OR9Q1: variants seen among roughly 807,000 people sequenced by gnomAD.
OR9Q1 encodes the protein olfactory receptor 9Q1.
For missense variants in OR9Q1, 374 were observed against 378.8 expected (o/e 0.99, Z 0.11); for synonymous variants, 153 against 148.6 (o/e 1.03, Z -0.22).
chr11:58,082,641 A>G (rs1853598786), intron 2 of OR9Q1, among the ~76,000 whole-genome samples: 2 of 140,412 alleles, frequency 1.4e-5, no homozygotes, highest in Non-Finnish European at 1.5e-5. Context: ...GATATACCTA[A>G]TGCTAAATGA....
intron 1 of OR9Q1, among the ~76,000 whole-genome samples, chr11:58,036,527 T>C (rs961901769): frequency 3.3e-5 from 5 of 152,184 alleles, no homozygotes; most frequent in African/African-American, 4.8e-5. Context: ...CTCTGATGGA[T>C]CTGGACAAAG....
chr11:58,098,679 T>C (rs1853755048), intron 2 of OR9Q1, among the ~76,000 whole-genome samples: 1 of 152,162 alleles, frequency 6.6e-6, no homozygotes, highest in Non-Finnish European at 1.5e-5. Context: ...ATTAGCAGCT[T>C]TGTTGAGGTA....
At position 58,033,766 on chromosome 11, in the gene OR9Q1, A is replaced by T. The variant is rs147174430; in HGVS notation, c.-93+9662A>T. ...CCCTGAATCTAAAATAAAAATGGAA[A>T]TTAAAAAAATAAAAGGACAGTGGTG... On this transcript the variant is annotated intron_variant, in intron 1 of 2. Coordinates refer to ENST00000335397, the MANE Select transcript of OR9Q1 (RefSeq NM_001005212.4). 3.3e-5 allele frequency among the ~76,000 whole-genome samples: 5 copies of T among 152,292 alleles called. No individual in the cohort carries two copies. In the East Asian group the frequency reaches 9.6e-4, roughly 29 times the overall value.
At chr11:58,026,713 T>C (rs1266952893) in intron 1 of OR9Q1, 2 of 145,526 alleles carry the variant, frequency 1.4e-5, no homozygotes, top group Non-Finnish European at 3.0e-5. Context: ...AAAAAAGATA[T>C]GGAATGCTTC....
intron 2 of OR9Q1, among the ~76,000 whole-genome samples, chr11:58,138,850 A>G (rs976367365): frequency 7.2e-5 from 11 of 152,190 alleles, no homozygotes; most frequent in Admixed American, 6.5e-4. Context: ...ATGCTGTACC[A>G]TAGATTTCAA....
intron 2 of OR9Q1, among the ~76,000 whole-genome samples, chr11:58,089,412 C>A (rs1374289862): frequency 1.3e-5 from 2 of 151,822 alleles, no homozygotes; most frequent in African/African-American, 4.9e-5. Context: ...AATCCTTTCC[C>A]CATTGCTTGA....
chr11:58,121,143 C>T (rs888691276), intron 2 of OR9Q1, among the ~76,000 whole-genome samples: 23 of 148,934 alleles, frequency 1.5e-4, no homozygotes, highest in Admixed American at 1.3e-3. Flanking sequence ...ATCTTTCAAA[C>T]ATCAAGTCAA....
intron 2 of OR9Q1, among the ~76,000 whole-genome samples, chr11:58,175,970 C>T (rs1854602921): frequency 6.6e-6 from 1 of 152,054 alleles, no homozygotes; most frequent in Non-Finnish European, 1.5e-5. Context: ...AGCAACATCC[C>T]AGGCTTTTGT....
chr11:58,037,080 T>C (rs1270256799), intron 1 of OR9Q1, among the ~76,000 whole-genome samples: 2 of 152,198 alleles, frequency 1.3e-5, no homozygotes, highest in Non-Finnish European at 2.9e-5. Context: ...TGTCTTGTTT[T>C]AATAAAGCCA....
chr11:58,168,984 T>G (rs1366384564), intron 2 of OR9Q1, among the ~76,000 whole-genome samples: 1 of 152,216 alleles, frequency 6.6e-6, no homozygotes. Context: ...TGATACTCTT[T>G]TTAGCCTTTA....
intron 2 of OR9Q1, among the ~76,000 whole-genome samples, chr11:58,063,754 C>T (rs539254611): frequency 6.6e-6 from 1 of 152,228 alleles, no homozygotes; most frequent in African/African-American, 2.4e-5. Context: ...AGGTACCGTT[C>T]AGGCATGCCA....
chr11:58,096,943 A>T (rs939218233), intron 2 of OR9Q1, among the ~76,000 whole-genome samples: 1 of 152,082 alleles, frequency 6.6e-6, no homozygotes, highest in Non-Finnish European at 1.5e-5. Context: ...ACCTCAAGTG[A>T]TCCATCTGCC....
intron 2 of OR9Q1, among the ~76,000 whole-genome samples, chr11:58,139,735 A>C (rs1001783178): frequency 6.6e-6 from 1 of 152,140 alleles, no homozygotes; most frequent in Non-Finnish European, 1.5e-5. Context: ...ATAGTGCTGC[A>C]ATAAACATAC....
At chr11:58,103,551 G>A (rs542296460) in intron 2 of OR9Q1, among the ~76,000 whole-genome samples, 11 of 151,954 alleles carry the variant, frequency 7.2e-5, no homozygotes, top group African/African-American at 1.4e-4. Flanking sequence ...TGAATTTCAC[G>A]AAGATTAATA....
intron 2 of OR9Q1, chr11:58,171,332 G>A (rs1402436970): frequency 5.9e-5 from 9 of 152,292 alleles, no homozygotes; most frequent in Non-Finnish European, 7.3e-5. Flanking sequence ...GACCTCCATT[G>A]CTGCTGACCC....
At position 58,179,620 on chromosome 11, in the gene OR9Q1, T is replaced by C. The variant is rs565886439; in HGVS notation, c.176T>C (p.Met59Thr). 9.0e-5 allele frequency: 145 copies of C among 1,613,356 alleles called. No homozygotes were observed. The South Asian group carries it at 1.4e-3, about 16-fold the overall frequency. Residue 59 changes from methionine (M) to threonine (T), a missense_variant, in exon 3 of 3, where the codon ATG (methionine) becomes ACG (threonine). Physicochemically the swap from Met to Thr is moderately conservative, Grantham distance 81. Coordinates refer to ENST00000335397, the MANE Select transcript of OR9Q1 (RefSeq NM_001005212.4). ...ATGGATCACCAGCTCCACGCTCCAA[T>C]GTATTTCCTTCTGAGTCACCTCGCT... ...ILMDHQLHAP[M>T]YFLLSHLAFM...
chr11:58,110,225 G>A (rs1321403216), intron 2 of OR9Q1, among the ~76,000 whole-genome samples: 1 of 152,132 alleles, frequency 6.6e-6, no homozygotes, highest in Non-Finnish European at 1.5e-5. Flanking sequence ...CTACACATTA[G>A]TATTATGCTT....
chr11:58,069,202 A>T lies in OR9Q1; in HGVS notation c.-15+13255A>T, dbSNP rs148292045. ...ATGGGAGACTCCATGCCTCACCTGG[A>T]GTTAACACCCTGGATTTGTGGCCCT... On this transcript the variant is annotated intron_variant, in intron 2 of 2. Coordinates refer to ENST00000335397, the MANE Select transcript of OR9Q1 (RefSeq NM_001005212.4). Among the ~76,000 whole-genome samples, 804 of 151,984 alleles carry T rather than the reference A, an allele frequency of 5.3e-3. 2 individuals carry two copies. Among genetic ancestry groups the T allele is most frequent in the Non-Finnish European group, 9.2e-3 (627 of 67,994 alleles).
chr11:58,172,188 C>T (rs1854562190), intron 2 of OR9Q1, among the ~76,000 whole-genome samples: 2 of 152,028 alleles, frequency 1.3e-5, no homozygotes, highest in Admixed American at 6.6e-5. Flanking sequence ...GTAATTTTGT[C>T]CTTGAGTGAG....
Sources: allele counts gnomAD v4.1 joint callset (sites outside exome capture counted in the v4.1 genomes callset), GRCh38; gene constraint gnomAD v4.1.1; transcripts MANE v1.5; gene names NCBI Gene and HGNC (gene_info 2026-07-23, HGNC 2026-07-21).